The following STPG2 variants were observed in gnomAD, a reference collection of about 807,000 sequenced individuals.
STPG2 encodes the protein sperm-tail PG-rich repeat-containing protein 2.
A neutral mutation model predicts 54.2 loss-of-function variants in STPG2; 56 were observed. The ratio of observed to expected loss-of-function variants is 1.03; its 90% CI spans 0.83 to 1.29. The LOEUF (loss-of-function observed/expected upper bound fraction) is 1.29, where lower values mean the gene tolerates loss of function less well. STPG2 is among the 50% of genes most tolerant of loss of function. STPG2 has a pLI of 0.00. For synonymous variants in STPG2, 200 were observed against 181.8 expected (o/e 1.10, Z -0.81); for missense variants, 596 against 544.9 (o/e 1.09, Z -0.93).
At chr4:97,615,001 A>G (rs1449418630) in intron 10 of STPG2, among the ~76,000 whole-genome samples, 1 of 152,178 alleles carries the variant, frequency 6.6e-6, no homozygotes, top group African/African-American at 2.4e-5. Flanking sequence ...TTTCAACTTC[A>G]ACATAATCTT....
At chr4:98,124,315 C>T (rs375515051) in intron 3 of STPG2, among the ~76,000 whole-genome samples, 27 of 152,074 alleles carry the variant, frequency 1.8e-4, no homozygotes, top group Non-Finnish European at 2.5e-4. Context: ...TGGCCAGTAA[C>T]GGTTTTTTCT....
intron 9 of STPG2, among the ~76,000 whole-genome samples, chr4:97,819,741 TTTAAA>T (rs1466921655): frequency 2.0e-5 from 3 of 152,198 alleles, no homozygotes; most frequent in African/African-American, 7.2e-5. Flanking sequence ...ATTTAAACTA[TTTAAA>T]TTAAATTATT....
At chr4:97,709,909 A>G (rs1408577685) in intron 10 of STPG2, among the ~76,000 whole-genome samples, 1 of 151,940 alleles carries the variant, frequency 6.6e-6, no homozygotes, top group Non-Finnish European at 1.5e-5. Flanking sequence ...TGATTTATGA[A>G]AAGAAAATCC....
chr4:98,012,263 T>A (rs903052621), intron 5 of STPG2, among the ~76,000 whole-genome samples: 2 of 152,182 alleles, frequency 1.3e-5, no homozygotes, highest in African/African-American at 4.8e-5. Flanking sequence ...TGGTTGTAGA[T>A]GTGTGGTGTG....
At chr4:97,834,667 A>G (rs939910019) in intron 9 of STPG2, among the ~76,000 whole-genome samples, 2 of 152,132 alleles carry the variant, frequency 1.3e-5, no homozygotes, top group Non-Finnish European at 2.9e-5. Context: ...ATTAGATGCT[A>G]GTCTCATCAG....
intron 7 of STPG2, among the ~76,000 whole-genome samples, chr4:97,954,242 T>C (rs906989315): frequency 5.9e-5 from 9 of 152,166 alleles, no homozygotes; most frequent in Non-Finnish European, 1.0e-4. Context: ...CCTCATTGAG[T>C]TGTAGAAGTA....
intron 8 of STPG2, among the ~76,000 whole-genome samples, chr4:97,852,222 A>C (rs936995113): frequency 2.0e-5 from 3 of 152,228 alleles, no homozygotes; most frequent in African/African-American, 7.2e-5. Flanking sequence ...AATGTCTACA[A>C]GTAGGATTCC....
At chr4:97,991,086 C>A (rs1012474939) in intron 5 of STPG2, among the ~76,000 whole-genome samples, 3 of 151,944 alleles carry the variant, frequency 2.0e-5, no homozygotes, top group Admixed American at 1.3e-4. Flanking sequence ...TCCCTCGAGT[C>A]CCCGAAGCCC....
chr4:97,758,044 T>C (rs965087118), intron 9 of STPG2, among the ~76,000 whole-genome samples: 1 of 152,212 alleles, frequency 6.6e-6, no homozygotes, highest in Non-Finnish European at 1.5e-5. Context: ...TTGAAGGTGT[T>C]AGTCTAGGCT....
chr4:97,785,509 C>T (rs372219653), intron 9 of STPG2, among the ~76,000 whole-genome samples: 1 of 151,864 alleles, frequency 6.6e-6, no homozygotes, highest in Admixed American at 6.6e-5. Flanking sequence ...ATTGTATATA[C>T]GTTTGTGTTC....
chr4:97,476,751 T>TC (rs1730082200), intron 4 of STPG2, among the ~76,000 whole-genome samples: 1 of 152,226 alleles, frequency 6.6e-6, no homozygotes, highest in South Asian at 2.1e-4. Flanking sequence ...TTTTGCAGCA[T>TC]CCTTTAAAAT....
chr4:97,455,804 T>G (rs1162961509), intron 4 of STPG2, among the ~76,000 whole-genome samples: 1 of 152,154 alleles, frequency 6.6e-6, no homozygotes, highest in African/African-American at 2.4e-5. Context: ...CTGTAACACA[T>G]GCCCAACTGA....
chr4:97,995,943 C>G (rs1365254700), intron 5 of STPG2, among the ~76,000 whole-genome samples: 1 of 152,020 alleles, frequency 6.6e-6, no homozygotes, highest in African/African-American at 2.4e-5. Context: ...AGAGATGACA[C>G]AAACAGACAA....
At chr4:98,119,670 G>A (rs1170420616) in intron 3 of STPG2, among the ~76,000 whole-genome samples, 1 of 151,710 alleles carries the variant, frequency 6.6e-6, no homozygotes, top group African/African-American at 2.4e-5. Flanking sequence ...AGGTAAACAT[G>A]TGCCATGGTG....
intron 7 of STPG2, among the ~76,000 whole-genome samples, chr4:97,970,656 A>C (rs539300857): frequency 1.3e-4 from 20 of 152,344 alleles, no homozygotes; most frequent in African/African-American, 4.1e-4. Flanking sequence ...TACAAAAATT[A>C]ATTCAAGATG....
chr4:98,007,759 T>C (rs1466882136), intron 5 of STPG2, among the ~76,000 whole-genome samples: 3 of 134,688 alleles, frequency 2.2e-5, no homozygotes, highest in Non-Finnish European at 4.9e-5. Flanking sequence ...AACAGATAGA[T>C]ATCCTTTAAG....
At chr4:97,623,056 G>A (rs1406822521) in intron 10 of STPG2, among the ~76,000 whole-genome samples, 1 of 152,076 alleles carries the variant, frequency 6.6e-6, no homozygotes, top group African/African-American at 2.4e-5. Context: ...TGGAATAACT[G>A]GCTAGCCCTA....
intron 5 of STPG2, among the ~76,000 whole-genome samples, chr4:98,005,657 A>G (rs975781985): frequency 6.6e-6 from 1 of 152,122 alleles, no homozygotes; most frequent in African/African-American, 2.4e-5. Flanking sequence ...TATTCTTGTA[A>G]TGTGATATAT....
chr4:97,822,803 G>A (rs1004874576), intron 9 of STPG2, among the ~76,000 whole-genome samples: 1 of 152,096 alleles, frequency 6.6e-6, no homozygotes, highest in Admixed American at 6.6e-5. Flanking sequence ...AAGCCATGAC[G>A]GCTCTACCCC....
Sources: allele counts gnomAD v4.1 joint callset (sites outside exome capture counted in the v4.1 genomes callset), GRCh38; gene constraint gnomAD v4.1.1; transcripts MANE v1.5; gene names NCBI Gene and HGNC (gene_info 2026-07-23, HGNC 2026-07-21).